The following GALNT13 variants were observed in gnomAD, a reference collection of about 807,000 sequenced individuals.
GALNT13 encodes polypeptide N-acetylgalactosaminyltransferase 13.
GALNT13 carries 28 observed loss-of-function variants against 64.2 expected under a neutral mutation model. The observed-to-expected ratio is 0.44, with a 90% CI of 0.32 to 0.60. The LOEUF is 0.60. Among genes scored for constraint, GALNT13 ranks in the 20% least tolerant of loss-of-function variants. The probability of loss-of-function intolerance (pLI) is 0.05; values close to 1 mark genes in which losing one functional copy is unlikely to be tolerated. For synonymous variants in GALNT13, 214 were observed against 224.6 expected (o/e 0.95, Z 0.42); for missense variants, 577 against 669.8 (o/e 0.86, Z 1.53).
intron 3 of GALNT13, among the ~76,000 whole-genome samples, chr2:153,985,940 A>C (rs926277748): frequency 6.6e-6 from 1 of 152,076 alleles, no homozygotes; most frequent in South Asian, 2.1e-4. Context: ...TCTCAGCATA[A>C]TTGTTCAGGT....
chr2:153,975,102 T>C (rs1363247481), intron 3 of GALNT13, among the ~76,000 whole-genome samples: 1 of 152,106 alleles, frequency 6.6e-6, no homozygotes, highest in Non-Finnish European at 1.5e-5. Context: ...TTAAAAAGAA[T>C]TTCAGCAAAG....
At chr2:154,274,335 G>A (rs1158478710) in intron 8 of GALNT13, among the ~76,000 whole-genome samples, 1 of 152,048 alleles carries the variant, frequency 6.6e-6, no homozygotes. Flanking sequence ...AAATTTAAGG[G>A]TATATGTAGT....
At chr2:154,419,651 T>G (rs1700166723) in intron 11 of GALNT13, among the ~76,000 whole-genome samples, 1 of 152,156 alleles carries the variant, frequency 6.6e-6, no homozygotes, top group African/African-American at 2.4e-5. Context: ...CAAAGTTGGT[T>G]ATATGATTCC....
At chr2:153,980,223 T>G (rs1285580323) in intron 3 of GALNT13, among the ~76,000 whole-genome samples, 1 of 152,080 alleles carries the variant, frequency 6.6e-6, no homozygotes, top group Admixed American at 6.6e-5. Flanking sequence ...ATATTAAGAG[T>G]TTGTTTTTAA....
intron 3 of GALNT13, among the ~76,000 whole-genome samples, chr2:154,057,666 A>G (rs1220258126): frequency 6.6e-6 from 1 of 152,202 alleles, no homozygotes; most frequent in Non-Finnish European, 1.5e-5. Flanking sequence ...GAGCAGCAAC[A>G]AAAGAGAGCA....
intron 3 of GALNT13, among the ~76,000 whole-genome samples, chr2:154,115,679 C>T (rs1703256666): frequency 6.6e-6 from 1 of 152,088 alleles, no homozygotes; most frequent in South Asian, 2.1e-4. Flanking sequence ...TCTCAGCCTC[C>T]CAAAGTGCTG....
At chr2:153,501,991 C>G in the GALNT13 span, among the ~76,000 whole-genome samples, 1 of 152,128 alleles carries the variant, frequency 6.6e-6, no homozygotes, top group African/African-American at 2.4e-5. Flanking sequence ...ATTCCTACAA[C>G]CAGTTTGCAC....
chr2:154,206,323 GA>G (rs1687450688), intron 4 of GALNT13, among the ~76,000 whole-genome samples: 1 of 151,722 alleles, frequency 6.6e-6, no homozygotes. Context: ...ATTTTTGTAG[GA>G]AAAATTTTGT....
intron 9 of GALNT13, among the ~76,000 whole-genome samples, chr2:154,329,601 G>A (rs1378090579): frequency 6.6e-6 from 1 of 152,070 alleles, no homozygotes; most frequent in African/African-American, 2.4e-5. Flanking sequence ...TATCCCAGCA[G>A]CTATAGTTGG....
chr2:153,345,144 A>G, the GALNT13 span, among the ~76,000 whole-genome samples: 1 of 152,150 alleles, frequency 6.6e-6, no homozygotes, highest in Non-Finnish European at 1.5e-5. Flanking sequence ...AAGTCCTTTC[A>G]TTCTGTTTTT....
intron 4 of GALNT13, among the ~76,000 whole-genome samples, chr2:154,189,058 T>C (rs1262434471): frequency 6.6e-6 from 1 of 152,114 alleles, no homozygotes; most frequent in Non-Finnish European, 1.5e-5. Context: ...TTGAATTAGG[T>C]GATTTAAGGA....
the GALNT13 span, among the ~76,000 whole-genome samples, chr2:153,074,090 G>A: frequency 4.6e-3 from 698 of 152,188 alleles, 1 homozygote; most frequent in African/African-American, 0.016. Context: ...ATTTCTGTTT[G>A]TTTCTTTTGT....
chr2:154,217,902 T>G (rs577501359), intron 4 of GALNT13, among the ~76,000 whole-genome samples: 1 of 152,244 alleles, frequency 6.6e-6, no homozygotes. Flanking sequence ...TTTAGCAATC[T>G]ACGCAGTTGT....
At chr2:153,295,856 C>T in the GALNT13 span, among the ~76,000 whole-genome samples, 7 of 152,162 alleles carry the variant, frequency 4.6e-5, no homozygotes, top group South Asian at 1.2e-3. Context: ...TAAACCTCAG[C>T]GTTGAAGGCT....
intron 9 of GALNT13, among the ~76,000 whole-genome samples, chr2:154,350,663 T>A (rs569578787): frequency 6.6e-6 from 1 of 152,318 alleles, no homozygotes; most frequent in African/African-American, 2.4e-5. Flanking sequence ...ATATTAGTCC[T>A]ATCCCTCTAG....
the GALNT13 span, among the ~76,000 whole-genome samples, chr2:153,784,304 C>T: frequency 6.6e-6 from 1 of 152,164 alleles, no homozygotes; most frequent in Non-Finnish European, 1.5e-5. Context: ...TCTTGCTATG[C>T]TTTAGCAAAC....
At chr2:153,608,904 AT>A in the GALNT13 span, among the ~76,000 whole-genome samples, 1 of 145,042 alleles carries the variant, frequency 6.9e-6, no homozygotes, top group Non-Finnish European at 1.5e-5. Flanking sequence ...CTAGAGTACA[AT>A]TTTTTTTACT....
At chr2:154,039,258 G>GGATTACTTCTTTACCCTAGTCCTT (rs1558924719) in intron 3 of GALNT13, among the ~76,000 whole-genome samples, 36 of 143,548 alleles carry the variant, frequency 2.5e-4, no homozygotes, top group South Asian at 4.4e-4. Context: ...CCCACTAATG[G>GGATTACTTCTTTACCCTAGTCCTT]ATATTTATCC....
At chr2:154,171,482 G>A (rs1274081362) in intron 4 of GALNT13, among the ~76,000 whole-genome samples, 1 of 152,074 alleles carries the variant, frequency 6.6e-6, no homozygotes, top group African/African-American at 2.4e-5. Flanking sequence ...GTCAAATCAG[G>A]TATTAGTCCC....
Sources: allele counts gnomAD v4.1 joint callset (sites outside exome capture counted in the v4.1 genomes callset), GRCh38; gene constraint gnomAD v4.1.1; transcripts MANE v1.5; gene names NCBI Gene and HGNC (gene_info 2026-07-23, HGNC 2026-07-21).